Variants in NR3C2 observed in about 807,000 individuals in gnomAD.
NR3C2 encodes the protein mineralocorticoid receptor.
Under a neutral mutation model 86.4 loss-of-function variants are expected in NR3C2, and 15 were observed. The ratio of observed to expected loss-of-function variants is 0.17; its 90% CI spans 0.12 to 0.27. The LOEUF (loss-of-function observed/expected upper bound fraction) is 0.27, where lower values mean the gene tolerates loss of function less well. Among genes scored for constraint, NR3C2 ranks in the 10% least tolerant of loss-of-function variants. The pLI, the probability that NR3C2 is intolerant of heterozygous loss-of-function variation, is 1.00. For synonymous variants in NR3C2, 458 were observed against 450.5 expected (o/e 1.02, Z -0.21); for missense variants, 960 against 1,195.6 (o/e 0.80, Z 2.91).
chr4:148,097,373 TA>T (rs772977089), intron 8 of NR3C2, among the ~76,000 whole-genome samples: 4 of 152,224 alleles, frequency 2.6e-5, no homozygotes, highest in Non-Finnish European at 5.9e-5. Flanking sequence ...AACACTGATT[TA>T]ACGAATACTG....
intron 2 of NR3C2, among the ~76,000 whole-genome samples, chr4:148,394,736 T>C (rs764340805): frequency 2.6e-4 from 39 of 152,114 alleles, no homozygotes; most frequent in Non-Finnish European, 2.5e-4. Flanking sequence ...AACTGGGTAC[T>C]ACACAGAAGC....
chr4:148,136,065 A>G, intron 6 of NR3C2, among the ~76,000 whole-genome samples: 1 of 96,838 alleles, frequency 1.0e-5, no homozygotes, highest in Non-Finnish European at 2.3e-5. Context: ...TCAAAAAAAA[A>G]AAAAAAAAAA....
At chr4:148,281,890 T>C (rs1741265134) in intron 2 of NR3C2, among the ~76,000 whole-genome samples, 2 of 152,282 alleles carry the variant, frequency 1.3e-5, no homozygotes, top group Admixed American at 6.5e-5. Flanking sequence ...ACAAAATACA[T>C]AGAAATGGAG....
Position 148,154,756 on chromosome 4 carries a change from G to C in NR3C2, c.2160C>G (p.Asn720Lys). Residue 720 changes from asparagine (N) to lysine (K), a missense_variant, in exon 5 of 9, where the codon AAC becomes AAG. Physicochemically the swap from Asn to Lys is moderately conservative, Grantham distance 94 (BLOSUM62 0). Coordinates refer to ENST00000358102, the MANE Select transcript of NR3C2 (RefSeq NM_000901.5). Reference sequence around the variant, plus strand: ...TGGAGAGCTGAGGAACCAGTGCTGTGTTGACCGAGGGTTCTTTTGCAGGAG... The same window carrying C: ...TGGAGAGCTGAGGAACCAGTGCTGTCTTGACCGAGGGTTCTTTTGCAGGAG... ...YIAPAKEPSV[N>K]TALVPQLSTI... 1 of 1,591,408 alleles carries C rather than the reference G, an allele frequency of 6.3e-7. No individual in the cohort carries two copies. The highest frequency in any genetic ancestry group is 8.5e-7 in the Non-Finnish European group (1 of 1,170,772).
chr4:148,133,602 TAACC>T (rs1272666283), intron 6 of NR3C2, among the ~76,000 whole-genome samples: 1 of 152,236 alleles, frequency 6.6e-6, no homozygotes, highest in Non-Finnish European at 1.5e-5. Flanking sequence ...AGATTTGTAT[TAACC>T]AACAACTCAT....
At chr4:148,163,358 T>C (rs2149777188) in intron 4 of NR3C2, among the ~76,000 whole-genome samples, 1 of 152,356 alleles carries the variant, frequency 6.6e-6, no homozygotes, top group East Asian at 1.9e-4. Flanking sequence ...CTGATGTACA[T>C]TCCTGACTTA....
At chr4:148,427,617 G>A (rs1227357121) in intron 2 of NR3C2, among the ~76,000 whole-genome samples, 1 of 151,906 alleles carries the variant, frequency 6.6e-6, no homozygotes, top group African/African-American at 2.4e-5. Context: ...GTGCCTCGGT[G>A]GGATAAGGAG....
At chr4:148,141,375 ACACACCAGTGCACTCCAGC>A (rs1326644941) in intron 6 of NR3C2, among the ~76,000 whole-genome samples, 2 of 151,962 alleles carry the variant, frequency 1.3e-5, no homozygotes, top group African/African-American at 4.8e-5. Context: ...CGGAGGTTGC[ACACACCAGTGCACTCCAGC>A]CTGGGCAACA....
At chr4:148,247,790 T>C (rs935068015) in intron 3 of NR3C2, among the ~76,000 whole-genome samples, 1 of 151,972 alleles carries the variant, frequency 6.6e-6, no homozygotes, top group Non-Finnish European at 1.5e-5. Context: ...TACTGCTTTA[T>C]CCCAAATTGG....
intron 6 of NR3C2, among the ~76,000 whole-genome samples, chr4:148,124,652 G>T (rs1194497456): frequency 1.3e-5 from 2 of 152,048 alleles, no homozygotes; most frequent in Non-Finnish European, 2.9e-5. Context: ...AATGTTTTTA[G>T]CCATTGTCCC....
At chr4:148,233,069 T>C (rs1255750310) in intron 3 of NR3C2, among the ~76,000 whole-genome samples, 1 of 152,224 alleles carries the variant, frequency 6.6e-6, no homozygotes, top group Non-Finnish European at 1.5e-5. Context: ...TTAAGACTGA[T>C]ACCAGCCTTA....
intron 4 of NR3C2, among the ~76,000 whole-genome samples, chr4:148,177,178 A>T (rs1313595735): frequency 6.6e-6 from 1 of 152,218 alleles, no homozygotes; most frequent in African/African-American, 2.4e-5. Flanking sequence ...TCTTTATTGC[A>T]ATTTATTACA....
chr4:148,373,469 A>ATTT (rs1746514921), intron 2 of NR3C2, among the ~76,000 whole-genome samples: 3 of 124,464 alleles, frequency 2.4e-5, no homozygotes, highest in African/African-American at 1.2e-4. Context: ...CTAAAGGATG[A>ATTT]CTTTTTTTTT....
At chr4:148,340,193 C>A (rs72656824) in intron 2 of NR3C2, among the ~76,000 whole-genome samples, 2 of 151,996 alleles carry the variant, frequency 1.3e-5, no homozygotes, top group Admixed American at 6.6e-5. Context: ...CAAAAGACTC[C>A]GAATAGTCAA....
chr4:148,311,966 G>A (rs1034328280), intron 2 of NR3C2, among the ~76,000 whole-genome samples: 6 of 152,128 alleles, frequency 3.9e-5, no homozygotes, highest in South Asian at 2.1e-4. Context: ...TACTGATCCC[G>A]CAGTACTCTC....
chr4:148,081,159 G>T lies in NR3C2; in HGVS notation c.*185C>A. ...GTGGGGAATCCTTCAGACTGCTCTG[G>T]TCTCGCCAAATCCACGGAAAAACAG... On this transcript the variant is annotated 3_prime_UTR_variant, in exon 9 of 9. Transcript: ENST00000358102. 1 of 745,436 alleles carries T rather than the reference G, an allele frequency of 1.3e-6. No homozygotes were observed. The highest frequency in any genetic ancestry group is 2.3e-6 in the Non-Finnish European group (1 of 436,028). 46.2% of individuals were successfully genotyped at this position (745,436 alleles called of 1,614,324 possible).
intron 4 of NR3C2, among the ~76,000 whole-genome samples, chr4:148,194,019 CGAT>C (rs1008602358): frequency 6.6e-6 from 1 of 152,120 alleles, no homozygotes; most frequent in Non-Finnish European, 1.5e-5. Flanking sequence ...GTCTGATAAT[CGAT>C]GAGCAAATAC....
chr4:148,186,745 T>G (rs1174036432), intron 4 of NR3C2, among the ~76,000 whole-genome samples: 1 of 151,588 alleles, frequency 6.6e-6, no homozygotes, highest in Non-Finnish European at 1.5e-5. Flanking sequence ...TTTGTAGTAG[T>G]CTTTTATCCC....
At chr4:148,319,336 C>G (rs773991057) in intron 2 of NR3C2, among the ~76,000 whole-genome samples, 1 of 152,124 alleles carries the variant, frequency 6.6e-6, no homozygotes, top group Non-Finnish European at 1.5e-5. Flanking sequence ...GTTCTTTTGG[C>G]TTAGGATTGA....
Sources: allele counts gnomAD v4.1 joint callset (sites outside exome capture counted in the v4.1 genomes callset), GRCh38; gene constraint gnomAD v4.1.1; transcripts MANE v1.5; gene names NCBI Gene and HGNC (gene_info 2026-07-23, HGNC 2026-07-21).